ZC3H4: variants seen among roughly 807,000 people sequenced by gnomAD.
ZC3H4 encodes the protein zinc finger CCCH domain-containing protein 4.
ZC3H4 carries 13 observed loss-of-function variants against 108.3 expected under a neutral mutation model. That is an observed-to-expected ratio of 0.12 (90% CI 0.08 to 0.19). The LOEUF is 0.19. ZC3H4 is among the 10% of genes least tolerant of loss of function. ZC3H4 has a pLI of 1.00. For missense variants in ZC3H4, 1,734 were observed against 1,838.8 expected (o/e 0.94, Z 1.04); for synonymous variants, 917 against 749.6 (o/e 1.22, Z -3.65).
intron 2 of ZC3H4, among the ~76,000 whole-genome samples, chr19:47,106,782 T>C (rs1284090184): frequency 6.6e-6 from 1 of 152,204 alleles, no homozygotes; most frequent in East Asian, 1.9e-4. Context: ...AGAAAACTCT[T>C]GGGCTCCAAG....
chr19:47,097,085 T>C (rs760657557), intron 2 of ZC3H4: 3 of 739,734 alleles, frequency 4.1e-6, no homozygotes, highest in Non-Finnish European at 4.9e-6. Context: ...TTAACCATCA[T>C]CCAGAATGAT....
Position 47,066,800 on chromosome 19 carries a change from C to T in ZC3H4, c.3468G>A (p.Ala1156=), listed in dbSNP as rs546413565. 713 of 1,600,370 alleles carry T rather than the reference C, an allele frequency of 4.5e-4. 10 individuals are homozygous for T. In the South Asian group the frequency reaches 6.6e-3, roughly 15 times the overall value. ...CAGCCGGCTCTGTGGCTTTGCCCCC[C>T]GCGTTGGGAGTCCTCGGGTCGTAGA... ...ISLYDPRTPN[A]GGKATEPAAD... The change falls in exon 15 of 15, where the codon GCG becomes GCA. Residue 1156 remains alanine (A), a synonymous_variant. Coordinates refer to ENST00000253048, the MANE Select transcript of ZC3H4 (RefSeq NM_015168.2).
chr19:47,083,936 A>G (rs2057568297), intron 9 of ZC3H4, among the ~76,000 whole-genome samples: 1 of 152,002 alleles, frequency 6.6e-6, no homozygotes, highest in Non-Finnish European at 1.5e-5. Context: ...GAACTCTGCT[A>G]TGAAGTCCAA....
At chr19:47,101,290 C>T (rs754613754) in intron 2 of ZC3H4, among the ~76,000 whole-genome samples, 21 of 151,952 alleles carry the variant, frequency 1.4e-4, no homozygotes, top group Non-Finnish European at 2.6e-4. Flanking sequence ...GCTATGATTG[C>T]ACCACTGCCC....
chr19:47,086,335 A>G (rs775494437), intron 6 of ZC3H4, 49 bp downstream of exon 6: 2 of 1,606,854 alleles, frequency 1.2e-6, no homozygotes, highest in South Asian at 1.1e-5. Context: ...ACGCCCCGGA[A>G]AGCCCACCAG....
chr19:47,081,320 A>ACATGT (rs2057518053), intron 11 of ZC3H4, among the ~76,000 whole-genome samples, 193 bp downstream of exon 11: 1 of 152,192 alleles, frequency 6.6e-6, no homozygotes. Context: ...TCCTGGCCTA[A>ACATGT]GACAACACAT....
rs371287637 is a variant in ZC3H4 at position 47,098,507 on chromosome 19, T to G, written c.162-3899A>C. Among the ~76,000 whole-genome samples the G allele has an allele frequency of 2.5e-4, 28 of 113,340 alleles. No homozygotes were observed. The East Asian group carries it at 5.7e-3, about 23-fold the overall frequency. 74.4% of individuals were successfully genotyped at this position (113,340 alleles called of 152,430 possible). A position where few individuals can be genotyped will look rare whatever the true frequency, so the allele number is the denominator to read the frequency against. On this transcript the variant is annotated intron_variant, in intron 2 of 14. Transcript: ENST00000253048. ...GTCTCAAAAAAAAAAAAAAAAAAAC[T>G]AATCCCAGCACTTTGGGAGGCCAAG...
intron 5 of ZC3H4, among the ~76,000 whole-genome samples, chr19:47,089,625 G>A (rs1400945847): frequency 6.6e-6 from 1 of 152,218 alleles, no homozygotes. Context: ...GGGGCTGGGA[G>A]AATGGGGGAG....
chr19:47,069,467 G>T, intron 13 of ZC3H4, 124 bp from the exon 14 acceptor site: 1 of 1,274,306 alleles, frequency 7.8e-7, no homozygotes, highest in Non-Finnish European at 1.1e-6. Context: ...GCCTGCCCCT[G>T]CCTGCCCTCC....
Position 47,066,466 on chromosome 19 carries a change from C to T in ZC3H4, c.3802G>A (p.Gly1268Arg). The T allele has an allele frequency of 6.3e-7, 1 of 1,581,378 alleles. No individual in the cohort carries two copies. Among genetic ancestry groups the T allele is most frequent in the Admixed American group, 1.8e-5 (1 of 56,060 alleles). Residue 1268 changes from glycine (G) to arginine (R), a missense_variant, in exon 15 of 15, where the codon GGA becomes AGA. This residue lies in a region of ZC3H4 where 518 missense variants were observed against 499.6 expected (regional missense o/e 1.04). Transcript: ENST00000253048. ...TVKQTPKTGS[G>R]SPFAGNSPAR... ...GGACTGTTCCCAGCAAATGGGCTTC[C>T]TGAGCCCGTCTTGGGTGTCTGCTTC...
intron 11 of ZC3H4, among the ~76,000 whole-genome samples, chr19:47,077,629 G>A (rs770760839): frequency 1.3e-5 from 2 of 152,116 alleles, no homozygotes; most frequent in African/African-American, 2.4e-5. Flanking sequence ...CAAGGCGGGC[G>A]TGGATCACCT....
intron 2 of ZC3H4, among the ~76,000 whole-genome samples, chr19:47,111,479 G>A (rs1241184467): frequency 6.6e-6 from 1 of 152,160 alleles, no homozygotes; most frequent in South Asian, 2.1e-4. Flanking sequence ...GACAGAGGGG[G>A]GAACCCCAGG....
chr19:47,085,231 A>ACCCCCG, intron 7 of ZC3H4, 36 bp from the exon 8 acceptor site: 1 of 1,560,382 alleles, frequency 6.4e-7, no homozygotes, highest in Non-Finnish European at 8.7e-7. Context: ...CCTGCTGACC[A>ACCCCCG]CCCCCTCCCC....
Position 47,072,242 on chromosome 19 carries a change from G to A in ZC3H4, c.1802+110C>T. The A allele has an allele frequency of 1.4e-6, 2 of 1,400,238 alleles. No individual in the cohort carries two copies. The highest frequency in any genetic ancestry group is 1.9e-6 in the Non-Finnish European group (2 of 1,032,860). The allele number at this position is 1,400,238 out of a possible 1,614,324, so 86.7% of individuals were successfully genotyped here. A position where few individuals can be genotyped will look rare whatever the true frequency, so the allele number is the denominator to read the frequency against. Reference sequence around the variant, plus strand: ...TGGGCCCCAGACCAGGACTCCCACAGCTGGGGAGAGAGGCAGGACTCTCCC... The same window carrying A: ...TGGGCCCCAGACCAGGACTCCCACAACTGGGGAGAGAGGCAGGACTCTCCC... On this transcript the variant is annotated intron_variant, in intron 12 of 14. Transcript: ENST00000253048. The surrounding 1 kb of genome is among the most constrained non-coding windows in gnomAD (Gnocchi z 5.6).
At chr19:47,090,709 G>A (rs2057716291) in intron 4 of ZC3H4, among the ~76,000 whole-genome samples, 1 of 152,152 alleles carries the variant, frequency 6.6e-6, no homozygotes. Context: ...ACAGGTAAAT[G>A]GATAACAAAC....
Position 47,086,469 on chromosome 19 carries a change from C to A in ZC3H4, c.785G>T (p.Gly262Val), listed in dbSNP as rs565442036. The change falls in exon 6 of 15, where the codon GGC (glycine) becomes GTC (valine). Residue 262 changes from glycine to valine, a missense_variant. This residue lies in a region of ZC3H4 where 403 missense variants were observed against 457.0 expected (regional missense o/e 0.88). Coordinates refer to ENST00000253048, the MANE Select transcript of ZC3H4 (RefSeq NM_015168.2). ...SRGGSRGRGM[G>V]RGSRGRGRGS... ...TCTGCCCCTGCCTCGGCTGCCCCTG[C>A]CCATGCCGCGGCCTCGCGATCCTCC... 4.3e-6 allele frequency: 7 copies of A among 1,611,098 alleles called. No individual in the cohort carries two copies. The highest frequency in any genetic ancestry group is 1.3e-5 in the African/African-American group (1 of 74,956).
Position 47,086,506 on chromosome 19 carries a change from G to C in ZC3H4, c.748C>G (p.Arg250Gly). ...CCTCGCGATCCTCCACGGCTTCCTC[G>C]GCCCCTGTAGCCCCGGCCCCGGCCT... The part of the protein sequence containing the change: ...SRGRGRGYRG[R>G]GSRGGSRGRG... Residue 250 changes from arginine (R) to glycine (G), a missense_variant, in exon 6 of 15, where the codon CGA becomes GGA. By Grantham distance (125) the Arg-to-Gly change is moderately radical. Transcript: ENST00000253048. 2 of 1,604,450 alleles carry C rather than the reference G, an allele frequency of 1.2e-6. No homozygotes were observed. The highest frequency in any genetic ancestry group is 2.2e-5 in the East Asian group (1 of 44,584).
Position 47,086,576 on chromosome 19 carries a change from C to A in ZC3H4, c.716-38G>T, listed in dbSNP as rs777144448. On this transcript the variant is annotated intron_variant, in intron 5 of 14. Transcript: ENST00000253048. ...TCAGATAGTGAGCCTCCAGCAGGAGCAGATGCCACCAGCAAGAAAGAAGAC... is the reference window on the plus strand; with the variant it reads ...TCAGATAGTGAGCCTCCAGCAGGAGAAGATGCCACCAGCAAGAAAGAAGAC... 9.1e-6 allele frequency: 14 copies of A among 1,532,226 alleles called. No individual in the cohort carries two copies. In the South Asian group the frequency reaches 1.7e-4, roughly 19 times the overall value. The allele number at this position is 1,532,226 out of a possible 1,614,324, so 94.9% of individuals were successfully genotyped here.
At chr19:47,092,789 C>A (rs2057756672) in intron 4 of ZC3H4, among the ~76,000 whole-genome samples, 1 of 151,518 alleles carries the variant, frequency 6.6e-6, no homozygotes, top group African/African-American at 2.4e-5. Context: ...TGCACTCCAG[C>A]CTAGGCGACA....
Sources: gnomAD v4.1 joint callset for allele counts (sites outside exome capture counted in the v4.1 genomes callset) on GRCh38, gnomAD v4.1.1 for gene constraint, gnomAD v4.1.1 regional missense constraint, Gnocchi (gnomAD v3.1) non-coding constraint, MANE v1.5 for transcripts, NCBI Gene and HGNC (gene_info 2026-07-23, HGNC 2026-07-21) for gene names.